The following TTLL4 variants were observed in gnomAD, a reference collection of about 807,000 sequenced individuals.
The protein encoded by TTLL4 is tubulin tyrosine ligase like 4.
In TTLL4, 85 loss-of-function variants were observed where a neutral mutation model predicts 122.7. The observed-to-expected ratio is 0.69, with a 90% CI of 0.58 to 0.83. TTLL4 has a LOEUF of 0.83. Ranked by LOEUF, TTLL4 falls within the 40% of genes least tolerant of loss-of-function variation. The pLI is 0.00. For missense variants in TTLL4, 1,363 were observed against 1,488.6 expected, an observed-to-expected ratio of 0.92 and a Z score of 1.39; for synonymous variants, 553 against 563.0, an observed-to-expected ratio of 0.98 and a Z score of 0.25.
intron 1 of TTLL4, among the ~76,000 whole-genome samples, chr2:218,726,097 C>G (rs146405353): frequency 6.6e-6 from 1 of 151,888 alleles, no homozygotes; most frequent in Non-Finnish European, 1.5e-5. Flanking sequence ...ACTTTTAAGA[C>G]GGGTCTGGTG....
intron 1 of TTLL4, among the ~76,000 whole-genome samples, chr2:218,711,628 A>T (rs1447189021): frequency 6.6e-6 from 1 of 152,170 alleles, no homozygotes; most frequent in Admixed American, 6.6e-5. Flanking sequence ...GATTGAGGGG[A>T]TAGAGTGGCT....
downstream of TTLL4, among the ~76,000 whole-genome samples, chr2:218,759,546 T>C (rs574594218): frequency 1.8e-4 from 27 of 152,252 alleles, no homozygotes; most frequent in South Asian, 5.4e-3. Flanking sequence ...GAACAGTGCT[T>C]GCCAGGGACT....
At chr2:218,742,301 T>C (rs1942724738) in intron 5 of TTLL4, among the ~76,000 whole-genome samples, 1 of 152,246 alleles carries the variant, frequency 6.6e-6, no homozygotes, top group Non-Finnish European at 1.5e-5. Context: ...CCAAACCACT[T>C]TGCATTTTAA....
intron 1 of TTLL4, among the ~76,000 whole-genome samples, chr2:218,722,586 G>A (rs1003546925): frequency 6.6e-6 from 1 of 152,196 alleles, no homozygotes; most frequent in African/African-American, 2.4e-5. Context: ...AAGATCCAGA[G>A]GTGGGAACGT....
At chr2:218,725,848 GC>G (rs1424524921) in intron 1 of TTLL4, among the ~76,000 whole-genome samples, 2 of 152,136 alleles carry the variant, frequency 1.3e-5, no homozygotes, top group African/African-American at 4.8e-5. Flanking sequence ...GAGCCACCAT[GC>G]CCAGCCTTAT....
intron 16 of TTLL4, among the ~76,000 whole-genome samples, chr2:218,752,182 A>G (rs1482351965): frequency 6.6e-6 from 1 of 152,206 alleles, no homozygotes; most frequent in African/African-American, 2.4e-5. Context: ...TGCTGGGATT[A>G]CAGGCGTGAG....
At chr2:218,711,101 C>T (rs1242245174) in intron 1 of TTLL4, 64 bp downstream of exon 1, 1 of 152,494 alleles carries the variant, frequency 6.6e-6, no homozygotes, top group African/African-American at 2.4e-5. Flanking sequence ...ACGCTCCCGA[C>T]CTCCCTCTAC....
intron 2 of TTLL4, among the ~76,000 whole-genome samples, chr2:218,735,967 C>CTTT (rs765207077): frequency 0.013 from 1,024 of 79,976 alleles, 42 homozygotes; most frequent in African/African-American, 0.047. Context: ...CGTGCCCAGC[C>CTTT]TTTTTTTTTT....
intron 2 of TTLL4, among the ~76,000 whole-genome samples, chr2:218,731,403 T>A (rs1278247784): frequency 6.6e-6 from 1 of 151,368 alleles, no homozygotes; most frequent in Non-Finnish European, 1.5e-5. Context: ...AGAGTGAGAC[T>A]CTGTTTCCAA....
intron 7 of TTLL4, 102 bp downstream of exon 7, chr2:218,745,903 T>TGG (rs1942830462): frequency 1.8e-6 from 2 of 1,105,754 alleles, no homozygotes; most frequent in Non-Finnish European, 2.7e-6. Context: ...TCGGGGCAGC[T>TGG]GGGGCCCTCT....
Position 218,751,727 on chromosome 2 carries a change from A to C in TTLL4, c.2897A>C (p.Lys966Thr). 4 of 1,613,158 alleles carry C rather than the reference A, an allele frequency of 2.5e-6. No homozygotes were observed. Among genetic ancestry groups the C allele is most frequent in the Non-Finnish European group, 3.4e-6 (4 of 1,179,450 alleles). Reference protein sequence around the residue: ...TTSLPTSPGDKCRMAPEHVTA... With the variant: ...TTSLPTSPGDTCRMAPEHVTA... Reference sequence around the variant, plus strand: ...AGCCTGCCCACCTCCCCTGGGGACAAATGTCGAATGGCTCCAGAGCATGTC... The same window carrying C: ...AGCCTGCCCACCTCCCCTGGGGACACATGTCGAATGGCTCCAGAGCATGTC... The change falls in exon 16 of 20, where the codon AAA becomes ACA. Residue 966 changes from lysine to threonine, a missense_variant. Lys to Thr is a moderately conservative substitution (Grantham distance 78). This residue lies in a region of TTLL4 where 596 missense variants were observed against 655.8 expected (regional missense o/e 0.91). Coordinates refer to ENST00000392102, the MANE Select transcript of TTLL4 (RefSeq NM_014640.5).
intron 1 of TTLL4, among the ~76,000 whole-genome samples, chr2:218,721,057 C>T (rs908988923): frequency 6.6e-6 from 1 of 152,202 alleles, no homozygotes; most frequent in East Asian, 1.9e-4. Flanking sequence ...ACGGAAGCTC[C>T]AAGCCCTTTT....
At chr2:218,724,199 T>G (rs1024118479) in intron 1 of TTLL4, among the ~76,000 whole-genome samples, 4 of 152,190 alleles carry the variant, frequency 2.6e-5, no homozygotes, top group African/African-American at 9.7e-5. Flanking sequence ...TGTACTATTT[T>G]TGTAACTTTT....
At chr2:218,731,271 C>T (rs1233979119) in intron 2 of TTLL4, among the ~76,000 whole-genome samples, 2 of 151,940 alleles carry the variant, frequency 1.3e-5, no homozygotes, top group African/African-American at 4.8e-5. Context: ...ATTAGCCAGG[C>T]GTCGTGGCGG....
At chr2:218,759,439 T>C (rs1943201976), downstream of TTLL4, among the ~76,000 whole-genome samples, 1 of 152,160 alleles carries the variant, frequency 6.6e-6, no homozygotes, top group Non-Finnish European at 1.5e-5. Context: ...TGCAACACCA[T>C]GGATGAAGCT....
chr2:218,752,453 G>C (rs1379942083), intron 16 of TTLL4, among the ~76,000 whole-genome samples: 1 of 152,204 alleles, frequency 6.6e-6, no homozygotes, highest in African/African-American at 2.4e-5. Context: ...AAGCATGGCA[G>C]ATACAAGACT....
Position 218,747,553 on chromosome 2 carries a change from C to G in TTLL4, c.2250-44C>G. On this transcript the variant is annotated intron_variant, in intron 10 of 19. Coordinates refer to ENST00000392102, the MANE Select transcript of TTLL4 (RefSeq NM_014640.5). The surrounding 1 kb of genome is among the most constrained non-coding windows in gnomAD (Gnocchi z 4.7). ...CCTGTGGCTTGGTTACCCACTGAGC[C>G]CCATCATCTGGCTGTATGAGAAGCT... 3 of 1,607,774 alleles carry G rather than the reference C, an allele frequency of 1.9e-6. No individual in the cohort carries two copies. Among genetic ancestry groups the G allele is most frequent in the Non-Finnish European group, 2.6e-6 (3 of 1,176,024 alleles).
At chr2:218,748,966 C>G in intron 13 of TTLL4, 32 bp downstream of exon 13, 1 of 1,601,976 alleles carries the variant, frequency 6.2e-7, no homozygotes, top group Non-Finnish European at 8.5e-7. Flanking sequence ...GATGTGGGGC[C>G]TGCTGCTGAC....
At chr2:218,744,887 A>T in intron 5 of TTLL4, among the ~76,000 whole-genome samples, 1 of 152,206 alleles carries the variant, frequency 6.6e-6, no homozygotes, top group Non-Finnish European at 1.5e-5. Flanking sequence ...AGTGTTGGAA[A>T]ACCTTGTCTT....
Sources: allele counts gnomAD v4.1 joint callset (sites outside exome capture counted in the v4.1 genomes callset), GRCh38; gene constraint gnomAD v4.1.1; regional missense constraint gnomAD v4.1.1; non-coding constraint Gnocchi (gnomAD v3.1); transcripts MANE v1.5; gene names NCBI Gene and HGNC (gene_info 2026-07-23, HGNC 2026-07-21).